The following ZGRF1 variants were observed in gnomAD, a reference collection of about 807,000 sequenced individuals.
ZGRF1 encodes 5'-3' DNA helicase ZGRF1.
A neutral mutation model predicts 203.5 loss-of-function variants in ZGRF1; 196 were observed. The observed-to-expected ratio is 0.96, with a 90% CI of 0.86 to 1.08. The LOEUF (loss-of-function observed/expected upper bound fraction) is 1.08, where lower values mean the gene tolerates loss of function less well. ZGRF1 is among the 50% of genes least tolerant of loss of function. The probability of loss-of-function intolerance (pLI) is 0.00; values close to 1 mark genes in which losing one functional copy is unlikely to be tolerated. For missense variants in ZGRF1, 2,326 were observed against 2,416.3 expected, an observed-to-expected ratio of 0.96 and a Z score of 0.78; for synonymous variants, 809 against 841.3, an observed-to-expected ratio of 0.96 and a Z score of 0.66.
At chr4:112,596,349 G>T (rs987444515) in intron 10 of ZGRF1, among the ~76,000 whole-genome samples, 3 of 152,166 alleles carry the variant, frequency 2.0e-5, no homozygotes, top group Admixed American at 2.0e-4. Context: ...CCATGGAAGG[G>T]CTCAGAAACT....
Position 112,541,120 on chromosome 4 carries a change from C to A in ZGRF1, c.5747G>T (p.Cys1916Phe). 1 of 1,601,688 alleles carries A rather than the reference C, an allele frequency of 6.2e-7. No homozygotes were observed. Among genetic ancestry groups the A allele is most frequent in the Non-Finnish European group, 8.5e-7 (1 of 1,173,494 alleles). The change falls in exon 25 of 28, where the codon TGT becomes TTT. Residue 1916 changes from cysteine to phenylalanine, a missense_variant. Physicochemically the swap from Cys to Phe is radical, Grantham distance 205. Transcript: ENST00000505019. ...SPLLEWLPTLCFYNVKGLEQI... is the reference protein window; with the variant it reads ...SPLLEWLPTLFFYNVKGLEQI... ...TTCTAGTCCTTTAACATTATAAAAACACAGGGTTGGTAGCCATTCCAATAA... is the reference window on the plus strand; with the variant it reads ...TTCTAGTCCTTTAACATTATAAAAAAACAGGGTTGGTAGCCATTCCAATAA...
intron 10 of ZGRF1, among the ~76,000 whole-genome samples, chr4:112,593,757 A>T (rs1362336280): frequency 6.6e-6 from 1 of 152,004 alleles, no homozygotes; most frequent in Non-Finnish European, 1.5e-5. Flanking sequence ...GCCCTCCTTT[A>T]TCACCCATTT....
At position 112,587,873 on chromosome 4, in the gene ZGRF1, T is replaced by C; in HGVS notation, c.3184A>G (p.Ser1062Gly). 6.5e-7 allele frequency: 1 copy of C among 1,549,872 alleles called. No individual in the cohort carries two copies. Among genetic ancestry groups the C allele is most frequent in the Non-Finnish European group, 8.7e-7 (1 of 1,146,542 alleles). ...GTAATAAGTGGAACCTGGGTTCTAC[T>C]TAATAATGAAAGCCTTTGAAGGTTC... ...NENLQRLSLLSRTQVPLITLP... is the reference protein window; with the variant it reads ...NENLQRLSLLGRTQVPLITLP... Residue 1062 changes from serine to glycine, a missense_variant, in exon 12 of 28, where the codon AGT (serine) becomes GGT (glycine). Physicochemically the swap from Ser to Gly is moderately conservative, Grantham distance 56 (BLOSUM62 0). Transcript: ENST00000505019.
intron 24 of ZGRF1, chr4:112,546,704 C>T (rs1192066713): frequency 6.6e-6 from 1 of 152,168 alleles, no homozygotes; most frequent in African/African-American, 2.4e-5. Context: ...TGGATGAATG[C>T]CATTATCACA....
intron 16 of ZGRF1, among the ~76,000 whole-genome samples, chr4:112,573,153 T>TAAAG (rs1330781408): frequency 1.5e-5 from 2 of 135,402 alleles, no homozygotes; most frequent in African/African-American, 2.7e-5. Context: ...AACAAGTGGA[T>TAAAG]AAAGAAATTG....
At chr4:112,547,117 T>C (rs183150012) in intron 24 of ZGRF1, among the ~76,000 whole-genome samples, 168 bp downstream of exon 24, 1 of 152,204 alleles carries the variant, frequency 6.6e-6, no homozygotes, top group Non-Finnish European at 1.5e-5. Flanking sequence ...ACTTAAATTA[T>C]AGGGTTCCAC....
chr4:112,620,046 G>T lies in ZGRF1; in HGVS notation c.307C>A (p.Arg103=). The T allele has an allele frequency of 6.2e-7, 1 of 1,610,576 alleles. No individual in the cohort carries two copies. Among genetic ancestry groups the T allele is most frequent in the South Asian group, 1.1e-5 (1 of 90,290 alleles). The part of the protein sequence containing the change: ...LNSRTFISSG[R]SLGCQPSGLK... ...CCAGAGGGCTGACATCCAAGAGATC[G>T]GCCAGAGGATATAAATGTCCTTGAA... Residue 103 remains arginine (R), a synonymous_variant, in exon 5 of 28, where the codon CGA becomes AGA. Transcript: ENST00000505019.
intron 23 of ZGRF1, among the ~76,000 whole-genome samples, chr4:112,547,779 T>C (rs1256809666): frequency 6.6e-6 from 1 of 152,158 alleles, no homozygotes; most frequent in African/African-American, 2.4e-5. Context: ...GTGAAGTAAA[T>C]TGGGTTCTTA....
intron 18 of ZGRF1, among the ~76,000 whole-genome samples, chr4:112,561,994 C>A (rs1446642808): frequency 3.3e-5 from 5 of 149,966 alleles, no homozygotes; most frequent in Non-Finnish European, 7.4e-5. Flanking sequence ...ACCGCAACCT[C>A]CGCCTCCCAG....
intron 3 of ZGRF1, among the ~76,000 whole-genome samples, chr4:112,627,424 CT>C (rs992128135): frequency 1.3e-5 from 2 of 152,326 alleles, no homozygotes; most frequent in Non-Finnish European, 2.9e-5. Flanking sequence ...AACTTTTACA[CT>C]GCTGCCAAAC....
intron 2 of ZGRF1, 64 bp downstream of exon 2, chr4:112,633,092 G>A (rs890405317): frequency 2.4e-5 from 34 of 1,397,732 alleles, no homozygotes; most frequent in Admixed American, 7.2e-5. Flanking sequence ...TTTGTGAAAC[G>A]CCTTTAAAAG....
At chr4:112,576,378 C>T (rs1745222251) in intron 16 of ZGRF1, among the ~76,000 whole-genome samples, 1 of 152,206 alleles carries the variant, frequency 6.6e-6, no homozygotes. Context: ...CGCCTCTCCT[C>T]CTCCAAAGGA....
rs1560807954 is a variant in ZGRF1 at position 112,585,726 on chromosome 4, CT to C, written c.3917-2del. The C allele has an allele frequency of 2.2e-6, 3 of 1,372,572 alleles. No individual in the cohort carries two copies. The highest frequency in any genetic ancestry group is 2.6e-5 in the East Asian group (1 of 38,856). The allele number at this position is 1,372,572 out of a possible 1,614,324, so 85.0% of individuals were successfully genotyped here. ...CCAAACAGCAATATATTTAGATGTT[CT>C]ACAAAAAAAAAAAAAAGAGAGCAGA... On this transcript the variant is annotated splice_acceptor_variant, in intron 13 of 27. Transcript: ENST00000505019. LOFTEE classifies it high-confidence loss of function.
rs528566464 is a variant in ZGRF1, at chr4:112,583,413, C to T, written c.4298+565G>A. ...CCCTTAGGATTGTGGAAAATAGCCC[C>T]GACTATATACAAAATAAGTTAGAAA... is the stretch of plus-strand genomic sequence containing the variant. On this transcript the variant is annotated intron_variant, in intron 15 of 27. Transcript: ENST00000505019. 1.1e-3 allele frequency among the ~76,000 whole-genome samples: 170 copies of T among 152,140 alleles called. 1 individual carries two copies. Among genetic ancestry groups the T allele is most frequent in the Admixed American group, 2.4e-3 (37 of 15,282 alleles).
At chr4:112,614,103 TAG>T (rs1053097204) in intron 6 of ZGRF1, among the ~76,000 whole-genome samples, 3 of 152,212 alleles carry the variant, frequency 2.0e-5, no homozygotes, top group Non-Finnish European at 2.9e-5. Context: ...ACAAAAAATT[TAG>T]AGTTTTAACA....
In ZGRF1 at chr4:112,576,502, C is replaced by A. The variant is rs369226451; in HGVS notation, c.4438+5161G>T. Reference sequence around the variant, plus strand: ...TCCCAGCTAAAGGAGGAAGTTTGAACCCATGGCAAAGAAGTTAAAAACCTT... The same window carrying A: ...TCCCAGCTAAAGGAGGAAGTTTGAAACCATGGCAAAGAAGTTAAAAACCTT... On this transcript the variant is annotated intron_variant, in intron 16 of 27. Transcript: ENST00000505019. Among the ~76,000 whole-genome samples the A allele has an allele frequency of 5.3e-5, 8 of 152,078 alleles. No homozygotes were observed. The East Asian group carries it at 1.2e-3, about 22-fold the overall frequency.
At chr4:112,612,641 A>G in intron 6 of ZGRF1, 53 bp from the exon 7 acceptor site, 5 of 1,113,706 alleles carry the variant, frequency 4.5e-6, no homozygotes, top group Non-Finnish European at 5.3e-6. Context: ...GCAGTACTCT[A>G]AAATTTAACT....
chr4:112,600,886 C>T (rs1288406643), intron 10 of ZGRF1, among the ~76,000 whole-genome samples: 1 of 152,118 alleles, frequency 6.6e-6, no homozygotes, highest in Admixed American at 6.6e-5. Context: ...AGTGTGGGCT[C>T]CCAGAGATCG....
chr4:112,625,570 A>G (rs2047211325), intron 3 of ZGRF1, among the ~76,000 whole-genome samples: 1 of 127,488 alleles, frequency 7.8e-6, no homozygotes, highest in Non-Finnish European at 1.6e-5. Flanking sequence ...TGGGCGACAG[A>G]GCGAGATTCC....
Sources: allele counts gnomAD v4.1 joint callset (sites outside exome capture counted in the v4.1 genomes callset), GRCh38; gene constraint gnomAD v4.1.1; transcripts MANE v1.5; gene names NCBI Gene and HGNC (gene_info 2026-07-23, HGNC 2026-07-21).